TCF7L2: variants seen among roughly 807,000 people sequenced by gnomAD.
TCF7L2 encodes the protein transcription factor 7 like 2, also known as transcription factor 7-like 2.
TCF7L2 carries 23 observed loss-of-function variants against 77.9 expected under a neutral mutation model. That is an observed-to-expected ratio of 0.30 (90% CI 0.21 to 0.42). TCF7L2 has a LOEUF of 0.42. Ranked by LOEUF, TCF7L2 falls within the 10% of genes least tolerant of loss-of-function variation. The probability of loss-of-function intolerance (pLI) is 1.00; values close to 1 mark genes in which losing one functional copy is unlikely to be tolerated. For missense variants in TCF7L2, 654 were observed against 793.1 expected (o/e 0.82, Z 2.11); for synonymous variants, 413 against 340.2 (o/e 1.21, Z -2.36).
At chr10:113,165,406 G>A (rs2073959794) in intron 13 of TCF7L2, 149 bp from the exon 15 acceptor site, 3 of 828,082 alleles carry the variant, frequency 3.6e-6, no homozygotes, top group Non-Finnish European at 5.9e-6. Flanking sequence ...CCCTGGGGGG[G>A]CGCCACTGTA....
chr10:112,951,073 G>A, intron 1 of TCF7L2, 128 bp downstream of exon 1: 1 of 1,338,166 alleles, frequency 7.5e-7, no homozygotes, highest in Non-Finnish European at 1.0e-6. Flanking sequence ...TGCGTACGGT[G>A]CCACCATTGC....
At chr10:113,074,354 G>T (rs1410492219) in intron 5 of TCF7L2, among the ~76,000 whole-genome samples, 2 of 152,114 alleles carry the variant, frequency 1.3e-5, no homozygotes, top group Non-Finnish European at 2.9e-5. Context: ...TTTCTTGAGT[G>T]ACTGGGCTAT....
In TCF7L2 at chr10:113,096,691, T is replaced by C. The variant is rs554642163; in HGVS notation, c.553-44493T>C. ...TGAAAGAGGAGCAGCCACACCCTTT[T>C]AGATTCTGGCCATGTCACAGCACAC... On this transcript the variant is annotated intron_variant, in intron 5 of 13. Transcript: ENST00000627217. Among the ~76,000 whole-genome samples, 30 of 152,230 alleles carry C rather than the reference T, an allele frequency of 2.0e-4. No individual in the cohort carries two copies. The South Asian group carries it at 6.2e-3, about 32-fold the overall frequency.
At chr10:113,018,439 G>A (rs369488963) in intron 4 of TCF7L2, among the ~76,000 whole-genome samples, 28 of 138,330 alleles carry the variant, frequency 2.0e-4, no homozygotes, top group Non-Finnish European at 3.7e-4. Context: ...GCTTTCTCCT[G>A]AGTCCTTTTT....
At position 112,953,708 on chromosome 10, in the gene TCF7L2, G is replaced by A. The variant is rs571717626; in HGVS notation, c.381+2101G>A. On this transcript the variant is annotated intron_variant, in intron 3 of 13. Transcript: ENST00000627217. ...GTGTTGTCTTGTAATTAGCAAACAG[G>A]GAAATTGCTAAAGGCAAATAAATGA... is the stretch of plus-strand genomic sequence containing the variant. Among the ~76,000 whole-genome samples, 11 of 152,298 alleles carry A rather than the reference G, an allele frequency of 7.2e-5. No individual in the cohort carries two copies. The South Asian group carries it at 2.3e-3, about 32-fold the overall frequency.
chr10:113,129,832 T>C (rs1303835137), intron 5 of TCF7L2: 2 of 1,289,168 alleles, frequency 1.6e-6, no homozygotes, highest in Admixed American at 4.6e-5. Flanking sequence ...GAAAGTTTTT[T>C]TAGAGGTGGA....
chr10:113,084,075 G>A (rs980041756), intron 5 of TCF7L2, among the ~76,000 whole-genome samples: 1 of 152,222 alleles, frequency 6.6e-6, no homozygotes, highest in Non-Finnish European at 1.5e-5. Flanking sequence ...CCCTCTTGCT[G>A]TGGAGGAGAA....
At chr10:113,041,940 G>C (rs1023948926) in intron 5 of TCF7L2, among the ~76,000 whole-genome samples, 1 of 152,200 alleles carries the variant, frequency 6.6e-6, no homozygotes, top group Non-Finnish European at 1.5e-5. Flanking sequence ...CTCTCTTTGA[G>C]TGAGGAGAGA....
chr10:113,117,430 TCTCCC>T (rs2063966926), intron 5 of TCF7L2, among the ~76,000 whole-genome samples: 2 of 34,896 alleles, frequency 5.7e-5, no homozygotes, highest in South Asian at 8.5e-4. Context: ...TCTCTCTCTC[TCTCCC>T]TCTCTCTCTC....
At chr10:112,987,695 TG>T (rs2041819522) in intron 4 of TCF7L2, 1 of 151,912 alleles carries the variant, frequency 6.6e-6, no homozygotes, top group Non-Finnish European at 1.5e-5. Flanking sequence ...AAGTGTGAAG[TG>T]GTCAGCTGGA....
chr10:113,128,486 T>C (rs771677042), intron 5 of TCF7L2, among the ~76,000 whole-genome samples: 4 of 152,002 alleles, frequency 2.6e-5, no homozygotes, highest in Non-Finnish European at 5.9e-5. Context: ...GTTCAGTAAA[T>C]TAAAAACATC....
chr10:113,084,725 T>A (rs2135519073), intron 5 of TCF7L2, among the ~76,000 whole-genome samples: 1 of 151,526 alleles, frequency 6.6e-6, no homozygotes, highest in East Asian at 2.0e-4. Context: ...TGAAACCCGG[T>A]CTCTACCAAA....
In TCF7L2 at chr10:113,151,520, T is replaced by G. The variant is rs1166684173; in HGVS notation, c.1002-205T>G. Among the ~76,000 whole-genome samples the G allele has an allele frequency of 6.6e-6, 1 of 152,144 alleles. No individual in the cohort carries two copies. The highest frequency in any genetic ancestry group is 1.5e-5 in the Non-Finnish European group (1 of 68,030). On this transcript the variant is annotated intron_variant, in intron 9 of 13. Coordinates refer to ENST00000627217, the MANE Select transcript of TCF7L2 (RefSeq NM_001146274.2). The surrounding 1 kb of genome is among the most constrained non-coding windows in gnomAD (Gnocchi z 5.2). ...TGTATATTTGTGAAACTTGAGGAAG[T>G]GATTGCAAAATCCCTCTCTTCCCCC...
rs114810056 is a variant in TCF7L2, at chr10:113,143,217, C to A, written c.686-706C>A. 3.9e-3 allele frequency among the ~76,000 whole-genome samples: 596 copies of A among 152,342 alleles called. 3 individuals are homozygous for A. Among genetic ancestry groups the A allele is most frequent in the African/African-American group, 0.013 (553 of 41,576 alleles). On this transcript the variant is annotated intron_variant, in intron 6 of 13. Transcript: ENST00000627217. ...ATGTGTGCCTTGTGAAGCTCTTAGC[C>A]CCTGCGACGCACGCGGTGCCCATTC...
At chr10:112,993,485 GAT>G (rs1243230348) in intron 4 of TCF7L2, among the ~76,000 whole-genome samples, 4 of 152,012 alleles carry the variant, frequency 2.6e-5, no homozygotes, top group African/African-American at 7.2e-5. Flanking sequence ...CAGCTTGGGT[GAT>G]AGAGTGAGAC....
At chr10:113,135,237 G>C (rs187874405) in intron 5 of TCF7L2, among the ~76,000 whole-genome samples, 2 of 152,180 alleles carry the variant, frequency 1.3e-5, no homozygotes, top group African/African-American at 4.8e-5. Context: ...GTTGCAGAGC[G>C]CTATGCTTAA....
chr10:113,053,288 C>T (rs12718338), intron 5 of TCF7L2, among the ~76,000 whole-genome samples: 79,825 of 151,590 alleles, frequency 0.53, 23,369 homozygotes, highest in African/African-American at 0.77. Context: ...GCACCGCATA[C>T]GGAGGCCAGC....
intron 5 of TCF7L2, among the ~76,000 whole-genome samples, chr10:113,104,439 C>T (rs2062019307): frequency 6.6e-6 from 1 of 152,102 alleles, no homozygotes; most frequent in African/African-American, 2.4e-5. Context: ...ATCTGGACAC[C>T]AGGGAGGGGC....
In TCF7L2 at chr10:113,157,756, A is replaced by T. The variant is rs1395024453; in HGVS notation, c.1270-265A>T. 5 of 399,082 alleles carry T rather than the reference A, an allele frequency of 1.3e-5. No homozygotes were observed. The East Asian group carries it at 2.5e-4, about 20-fold the overall frequency. 24.7% of individuals were successfully genotyped at this position (399,082 alleles called of 1,614,324 possible). ...CTGTGGGTCAGGTTTGACAATGGAC[A>T]TAGGTACATGAGAAATGAGAGCTTC... is the stretch of plus-strand genomic sequence containing the variant. On this transcript the variant is annotated intron_variant, in intron 11 of 13. Coordinates refer to ENST00000627217, the MANE Select transcript of TCF7L2 (RefSeq NM_001146274.2).
Sources: allele counts gnomAD v4.1 joint callset (sites outside exome capture counted in the v4.1 genomes callset), GRCh38; gene constraint gnomAD v4.1.1; non-coding constraint Gnocchi (gnomAD v3.1); transcripts MANE v1.5; gene names NCBI Gene and HGNC (gene_info 2026-07-23, HGNC 2026-07-21).